Variants in TMEM132D observed in about 807,000 individuals in gnomAD.
TMEM132D encodes the protein transmembrane protein 132D, also known as mature OL transmembrane protein.
Under a neutral mutation model 62.3 loss-of-function variants are expected in TMEM132D, and 21 were observed. The observed-to-expected ratio is 0.34, with a 90% CI of 0.24 to 0.49. TMEM132D has a LOEUF of 0.49. Ranked by LOEUF, TMEM132D falls within the 20% of genes least tolerant of loss-of-function variation. The probability of loss-of-function intolerance (pLI) is 0.99; values close to 1 mark genes in which losing one functional copy is unlikely to be tolerated. For missense variants in TMEM132D, 1,346 were observed against 1,402.8 expected (o/e 0.96, Z 0.65); for synonymous variants, 621 against 575.6 (o/e 1.08, Z -1.13).
intron 4 of TMEM132D, among the ~76,000 whole-genome samples, chr12:129,230,321 C>T (rs1317495599): frequency 6.6e-6 from 1 of 151,636 alleles, no homozygotes; most frequent in African/African-American, 2.4e-5. Flanking sequence ...GGGGGGCTCC[C>T]CAGCCTGGCC....
At chr12:129,862,696 C>A (rs931742467) in intron 1 of TMEM132D, among the ~76,000 whole-genome samples, 1 of 152,106 alleles carries the variant, frequency 6.6e-6, no homozygotes, top group African/African-American at 2.4e-5. Flanking sequence ...CCATTAAGAG[C>A]GGACACAAGT....
intron 5 of TMEM132D, among the ~76,000 whole-genome samples, chr12:129,146,125 G>T (rs1233035065): frequency 6.6e-6 from 1 of 151,298 alleles, no homozygotes; most frequent in African/African-American, 2.4e-5. Flanking sequence ...AACTCTGTCA[G>T]TGGTGTTCCA....
intron 2 of TMEM132D, among the ~76,000 whole-genome samples, chr12:129,544,935 C>T (rs1348109926): frequency 2.6e-5 from 4 of 152,198 alleles, no homozygotes; most frequent in Non-Finnish European, 4.4e-5. Flanking sequence ...GCACCAGCGA[C>T]CTCAGGATAG....
chr12:129,128,380 A>G (rs1876276141), intron 5 of TMEM132D, among the ~76,000 whole-genome samples: 1 of 152,164 alleles, frequency 6.6e-6, no homozygotes, highest in Admixed American at 6.5e-5. Flanking sequence ...GAAACTTACA[A>G]TCCTGGTGGA....
chr12:129,364,996 A>C (rs1870360725), intron 3 of TMEM132D, among the ~76,000 whole-genome samples: 1 of 152,242 alleles, frequency 6.6e-6, no homozygotes, highest in African/African-American at 2.4e-5. Flanking sequence ...TGCATTTTCA[A>C]ATGAATGTAC....
chr12:129,800,419 C>G (rs76690329), intron 1 of TMEM132D, among the ~76,000 whole-genome samples: 1 of 151,280 alleles, frequency 6.6e-6, no homozygotes, highest in Admixed American at 6.6e-5. Flanking sequence ...GCCTATGATA[C>G]GCCAGGCCCT....
intron 3 of TMEM132D, among the ~76,000 whole-genome samples, chr12:129,358,956 CTTT>C (rs11352248): frequency 1.0e-4 from 15 of 148,758 alleles, no homozygotes; most frequent in Non-Finnish European, 1.0e-4. Flanking sequence ...AAATTTCAAG[CTTT>C]TTTTTTTTTT....
At chr12:129,180,497 C>T (rs186972552) in intron 5 of TMEM132D, among the ~76,000 whole-genome samples, 3 of 152,190 alleles carry the variant, frequency 2.0e-5, no homozygotes, top group Admixed American at 2.0e-4. Flanking sequence ...GTATACCCTG[C>T]AGGGTTCTAG....
At chr12:129,633,782 A>G (rs1879410689) in intron 2 of TMEM132D, among the ~76,000 whole-genome samples, 1 of 152,230 alleles carries the variant, frequency 6.6e-6, no homozygotes, top group African/African-American at 2.4e-5. Flanking sequence ...CTCATTGCCA[A>G]AAACCACTAA....
chr12:129,844,959 C>A (rs1007664572), intron 1 of TMEM132D, among the ~76,000 whole-genome samples: 6 of 152,266 alleles, frequency 3.9e-5, no homozygotes, highest in Admixed American at 2.0e-4. Context: ...CTATAATCAG[C>A]TGACATTTCT....
chr12:129,498,501 G>A (rs560201417), intron 3 of TMEM132D, among the ~76,000 whole-genome samples: 11 of 152,230 alleles, frequency 7.2e-5, no homozygotes, highest in Admixed American at 2.0e-4. Flanking sequence ...TGATCCACCC[G>A]CCTCAGCCTC....
In TMEM132D at chr12:129,662,473, A is replaced by G. The variant is rs142106920; in HGVS notation, c.968+37337T>C. Among the ~76,000 whole-genome samples, 238 of 152,234 alleles carry G rather than the reference A, an allele frequency of 1.6e-3. 2 individuals carry two copies. Among genetic ancestry groups the G allele is most frequent in the Middle Eastern group, 0.01 (3 of 294 alleles). On this transcript the variant is annotated intron_variant, in intron 2 of 8. Coordinates refer to ENST00000422113, the MANE Select transcript of TMEM132D (RefSeq NM_133448.3). ...CTGGCTTTTTTTGGCCAAGACTCAA[A>G]TCATCTGTCCTAATAATGCAGGTAG...
At chr12:129,772,387 A>G (rs748526541) in intron 1 of TMEM132D, among the ~76,000 whole-genome samples, 3 of 152,244 alleles carry the variant, frequency 2.0e-5, no homozygotes, top group Non-Finnish European at 4.4e-5. Context: ...TAAGAAATTT[A>G]AGTCATTTAA....
rs553031486 is a variant in TMEM132D at position 129,255,920 on chromosome 12, T to C, written c.1300-46257A>G. On this transcript the variant is annotated intron_variant, in intron 4 of 8. Transcript: ENST00000422113. ...CCAATTGCTATGTCCTTGGGGAGGGTGGAGTGGCTTAGATCAGTCCAGGAC... is the reference window on the plus strand; with the variant it reads ...CCAATTGCTATGTCCTTGGGGAGGGCGGAGTGGCTTAGATCAGTCCAGGAC... 5.9e-5 allele frequency among the ~76,000 whole-genome samples: 9 copies of C among 152,082 alleles called. No individual in the cohort carries two copies. In the East Asian group the frequency reaches 1.7e-3, roughly 29 times the overall value.
At position 129,700,436 on chromosome 12, in the gene TMEM132D, G is replaced by C. The variant is rs771083771; in HGVS notation, c.342C>G (p.Ser114=). ...QVVPQDLMLP[S]NPFGFTNKFS... The stretch of plus-strand genomic sequence containing the variant: ...ATTTGTTGGTGAATCCAAATGGGTT[G>C]GAAGGTAGCATTAAATCCTGGGGCA... The change falls in exon 2 of 9, where the codon TCC becomes TCG. Residue 114 remains serine, a synonymous_variant. Coordinates refer to ENST00000422113, the MANE Select transcript of TMEM132D (RefSeq NM_133448.3). The C allele has an allele frequency of 6.2e-7, 1 of 1,614,058 alleles. No individual in the cohort carries two copies. The highest frequency in any genetic ancestry group is 8.5e-7 in the Non-Finnish European group (1 of 1,180,054).
In TMEM132D at chr12:129,401,990, AGG is replaced by A. The variant is rs1871637868; in HGVS notation, c.1116-64175_1116-64174del. On this transcript the variant is annotated intron_variant, in intron 3 of 8. Coordinates refer to ENST00000422113, the MANE Select transcript of TMEM132D (RefSeq NM_133448.3). Reference sequence around the variant, plus strand: ...GCAATTCAATACAACCAGGTACATGAGGGAGGGTGGCACGTTCTCAGTGAAGC... The same window carrying A: ...GCAATTCAATACAACCAGGTACATGAGAGGGTGGCACGTTCTCAGTGAAGC... 2.0e-5 allele frequency among the ~76,000 whole-genome samples: 3 copies of A among 152,138 alleles called. No homozygotes were observed. In the South Asian group the frequency reaches 6.2e-4, roughly 32 times the overall value.
chr12:129,618,182 C>T (rs1878972534), intron 2 of TMEM132D, among the ~76,000 whole-genome samples: 1 of 152,188 alleles, frequency 6.6e-6, no homozygotes, highest in South Asian at 2.1e-4. Context: ...TGCGAGGGTC[C>T]TATTCCAGTA....
rs544818799 is a variant in TMEM132D at position 129,573,859 on chromosome 12, C to A, written c.969-42654G>T. ...TACACAGAAGCGTGGATATTGTATCCTTCCATTTATAAAAAACTCTAGAAA... is the reference window on the plus strand; with the variant it reads ...TACACAGAAGCGTGGATATTGTATCATTCCATTTATAAAAAACTCTAGAAA... On this transcript the variant is annotated intron_variant, in intron 2 of 8. Transcript: ENST00000422113. Among the ~76,000 whole-genome samples the A allele has an allele frequency of 8.0e-5, 12 of 149,968 alleles. No individual in the cohort carries two copies. In the South Asian group the frequency reaches 2.5e-3, roughly 31 times the overall value.
At chr12:129,337,561 G>A (rs1272127142) in intron 4 of TMEM132D, 73 bp downstream of exon 4, 1 of 1,573,084 alleles carries the variant, frequency 6.4e-7, no homozygotes, top group Non-Finnish European at 8.6e-7. Context: ...ACCCAGCCTG[G>A]GACTCAGTGC....
Sources: gnomAD v4.1 joint callset for allele counts (sites outside exome capture counted in the v4.1 genomes callset) on GRCh38, gnomAD v4.1.1 for gene constraint, MANE v1.5 for transcripts, NCBI Gene and HGNC (gene_info 2026-07-23, HGNC 2026-07-21) for gene names.